The following SGCD variants were observed in gnomAD, a reference collection of about 807,000 sequenced individuals.
SGCD encodes sarcoglycan delta.
A neutral mutation model predicts 36.6 loss-of-function variants in SGCD; 18 were observed. The observed-to-expected ratio is 0.49, with a 90% CI of 0.34 to 0.73. SGCD has a LOEUF of 0.73. Ranked by LOEUF, SGCD falls within the 30% of genes least tolerant of loss-of-function variation. The pLI, the probability that SGCD is intolerant of heterozygous loss-of-function variation, is 0.01. For missense variants in SGCD, 387 were observed against 346.7 expected (o/e 1.12, Z -0.92); for synonymous variants, 133 against 130.6 (o/e 1.02, Z -0.12).
chr5:155,773,455 C>A, the SGCD span, among the ~76,000 whole-genome samples: 1 of 152,126 alleles, frequency 6.6e-6, no homozygotes, highest in African/African-American at 2.4e-5. Context: ...GCTGGGTTTA[C>A]AGGTGTAAGC....
chr5:156,266,408 T>C (rs1230142313), intron 3 of SGCD, among the ~76,000 whole-genome samples: 4 of 152,216 alleles, frequency 2.6e-5, no homozygotes, highest in Non-Finnish European at 5.9e-5. Context: ...CTAATATCAA[T>C]ATAAGGTTCA....
chr5:156,092,529 G>A lies in SGCD; in HGVS notation c.-281-25349G>A, dbSNP rs544119550. 2.0e-5 allele frequency among the ~76,000 whole-genome samples: 3 copies of A among 152,200 alleles called. No individual in the cohort carries two copies. In the South Asian group the frequency reaches 6.2e-4, roughly 32 times the overall value. Reference sequence around the variant, plus strand: ...CCTCAAAGATAGTGTGCCAATTTTTGAACCCTTGAGGCAACACCATCAAAC... The same window carrying A: ...CCTCAAAGATAGTGTGCCAATTTTTAAACCCTTGAGGCAACACCATCAAAC... On this transcript the variant is annotated intron_variant, in intron 1 of 9. Transcript: ENST00000517913.
At chr5:156,520,653 T>C (rs772095258) in intron 4 of SGCD, among the ~76,000 whole-genome samples, 1 of 152,110 alleles carries the variant, frequency 6.6e-6, no homozygotes, top group Non-Finnish European at 1.5e-5. Flanking sequence ...AAGGCTACAC[T>C]CACCAAAACA....
rs183194225 is a variant in SGCD at position 156,634,246 on chromosome 5, G to A, written c.503-13218G>A. ...ACCTTCTGTTATAAAACTCCAATGCGTCACTGGGGCCTGTTGGGGTGGGGT... is the reference window on the plus strand; with the variant it reads ...ACCTTCTGTTATAAAACTCCAATGCATCACTGGGGCCTGTTGGGGTGGGGT... On this transcript the variant is annotated intron_variant, in intron 6 of 8. Transcript: ENST00000337851. 1.5e-4 allele frequency among the ~76,000 whole-genome samples: 22 copies of A among 143,268 alleles called. No individual in the cohort carries two copies. In the South Asian group the frequency reaches 1.7e-3, roughly 11 times the overall value. 94.0% of individuals were successfully genotyped at this position (143,268 alleles called of 152,430 possible).
At chr5:156,623,896 G>T (rs183915244) in intron 6 of SGCD, among the ~76,000 whole-genome samples, 86 of 152,192 alleles carry the variant, frequency 5.7e-4, no homozygotes, top group Non-Finnish European at 1.1e-3. Context: ...GTTTAATGAG[G>T]GTGTCCCAGC....
intron 1 of SGCD, among the ~76,000 whole-genome samples, chr5:155,891,639 C>T (rs535656127): frequency 1.0e-4 from 12 of 118,202 alleles, no homozygotes; most frequent in African/African-American, 3.6e-4. Flanking sequence ...AACAATATTA[C>T]AGTGTTCCCG....
intron 7 of SGCD, among the ~76,000 whole-genome samples, chr5:156,700,658 A>G (rs1754492165): frequency 6.6e-6 from 1 of 152,158 alleles, no homozygotes; most frequent in South Asian, 2.1e-4. Flanking sequence ...TATAAAAAAA[A>G]TAATGCTGGG....
intron 3 of SGCD, among the ~76,000 whole-genome samples, chr5:156,308,367 C>T (rs1047492537): frequency 2.0e-5 from 3 of 151,328 alleles, no homozygotes; most frequent in African/African-American, 4.9e-5. Context: ...GGCGCAATCT[C>T]GGCTCACTGA....
At chr5:155,807,776 A>G in the SGCD span, among the ~76,000 whole-genome samples, 21 of 152,210 alleles carry the variant, frequency 1.4e-4, no homozygotes, top group Non-Finnish European at 2.9e-4. Context: ...CTTATAGTGG[A>G]AGAAGTTGTT....
At chr5:156,679,957 C>A (rs905316182) in intron 7 of SGCD, among the ~76,000 whole-genome samples, 4 of 152,086 alleles carry the variant, frequency 2.6e-5, no homozygotes, top group African/African-American at 9.7e-5. Flanking sequence ...GAATTCCTTC[C>A]CTAAGAGAAA....
chr5:156,362,707 G>C (rs1439594736), intron 3 of SGCD, among the ~76,000 whole-genome samples: 1 of 152,138 alleles, frequency 6.6e-6, no homozygotes, highest in Admixed American at 6.5e-5. Context: ...CTCGTGGCTA[G>C]TCTCTGGGAT....
intron 1 of SGCD, among the ~76,000 whole-genome samples, chr5:155,937,854 G>C (rs767811337): frequency 6.6e-6 from 1 of 152,208 alleles, no homozygotes; most frequent in Non-Finnish European, 1.5e-5. Flanking sequence ...AGGATTCCCT[G>C]AGGAAGTAGC....
chr5:156,189,978 T>A (rs934388811), intron 3 of SGCD, among the ~76,000 whole-genome samples: 1 of 152,134 alleles, frequency 6.6e-6, no homozygotes, highest in African/African-American at 2.4e-5. Flanking sequence ...TGTTGACAAA[T>A]TAGAGCCAGA....
At chr5:156,719,488 A>C (rs1755385391) in intron 7 of SGCD, among the ~76,000 whole-genome samples, 1 of 152,176 alleles carries the variant, frequency 6.6e-6, no homozygotes, top group African/African-American at 2.4e-5. Context: ...ACATATAATT[A>C]ACCATTAGAG....
the SGCD span, among the ~76,000 whole-genome samples, chr5:155,825,165 T>C: frequency 1.3e-5 from 2 of 152,200 alleles, no homozygotes; most frequent in Non-Finnish European, 2.9e-5. Flanking sequence ...CAGCCATTCA[T>C]GGTGATTAAC....
intron 3 of SGCD, among the ~76,000 whole-genome samples, chr5:156,177,633 GT>G (rs1236335812): frequency 6.6e-6 from 1 of 152,032 alleles, no homozygotes; most frequent in Non-Finnish European, 1.5e-5. Flanking sequence ...AATTCTATTA[GT>G]TTTGACAAAC....
upstream of SGCD, among the ~76,000 whole-genome samples, chr5:156,325,794 A>G (rs1767791866): frequency 6.6e-6 from 1 of 152,120 alleles, no homozygotes; most frequent in Non-Finnish European, 1.5e-5. Flanking sequence ...AACTCCAAAG[A>G]TCTGATTCTG....
At chr5:156,551,659 A>G (rs1758803900) in intron 4 of SGCD, among the ~76,000 whole-genome samples, 1 of 152,214 alleles carries the variant, frequency 6.6e-6, no homozygotes, top group Non-Finnish European at 1.5e-5. Context: ...AAAGGAAGAA[A>G]GAAACCATGC....
At chr5:155,945,730 G>A (rs552377920) in intron 1 of SGCD, among the ~76,000 whole-genome samples, 88 of 152,290 alleles carry the variant, frequency 5.8e-4, no homozygotes, top group African/African-American at 2.0e-3. Flanking sequence ...AAGAGGAGGT[G>A]GATGGCGAGA....
Sources: allele counts gnomAD v4.1 joint callset (sites outside exome capture counted in the v4.1 genomes callset), GRCh38; gene constraint gnomAD v4.1.1; transcripts MANE v1.5; gene names NCBI Gene and HGNC (gene_info 2026-07-23, HGNC 2026-07-21).